The following DNAH9 variants were observed in gnomAD, a reference collection of about 807,000 sequenced individuals.
DNAH9 encodes the protein dynein axonemal heavy chain 9, also known as DNAH9 variant protein.
In DNAH9, 345 loss-of-function variants were observed where a neutral mutation model predicts 471.6. The ratio of observed to expected loss-of-function variants is 0.73; its 90% confidence interval spans 0.67 to 0.80. The LOEUF (loss-of-function observed/expected upper bound fraction) is 0.80, where lower values mean the gene tolerates loss of function less well. Among genes scored for constraint, DNAH9 ranks in the 30% least tolerant of loss-of-function variants. The pLI is 0.00. For synonymous variants in DNAH9, 2,093 were observed against 2,123.6 expected, an observed-to-expected ratio of 0.99 and a Z score of 0.40; for missense variants, 5,407 against 5,609.2, an observed-to-expected ratio of 0.96 and a Z score of 1.15.
chr17:11,936,556 C>G (rs1449729872), intron 65 of DNAH9, among the ~76,000 whole-genome samples: 1 of 152,078 alleles, frequency 6.6e-6, no homozygotes, highest in Non-Finnish European at 1.5e-5. Flanking sequence ...AGCACTTGAG[C>G]CTGGGAGGTG....
At chr17:11,645,012 TCAGCAGAAAGCAA>T (rs2073354392) in intron 11 of DNAH9, among the ~76,000 whole-genome samples, 1 of 152,220 alleles carries the variant, frequency 6.6e-6, no homozygotes, top group Admixed American at 6.5e-5. Flanking sequence ...AGCTGCTTAC[TCAGCAGAAAGCAA>T]CAGTGCATGC....
chr17:11,652,762 C>T lies in DNAH9; in HGVS notation c.2355C>T (p.Gly785=), dbSNP rs777842005. The change falls in exon 14 of 69, where the codon GGC becomes GGT. Residue 785 remains glycine (G), a splice_region_variant and synonymous_variant. Transcript: ENST00000262442. The part of the protein sequence containing the change: ...AEETLNWKTE[G]ICDYVTEITS... ...AATTATGTTTCTTTTGGGGAACAGG[C>T]ATTTGCGATTATGTCACTGAAATCA... 1.2e-6 allele frequency: 2 copies of T among 1,612,680 alleles called. No homozygotes were observed. The highest frequency in any genetic ancestry group is 1.7e-6 in the Non-Finnish European group (2 of 1,179,370).
chr17:11,753,623 G>A (rs778737745), intron 33 of DNAH9, among the ~76,000 whole-genome samples: 5 of 152,150 alleles, frequency 3.3e-5, no homozygotes, highest in Non-Finnish European at 7.3e-5. Flanking sequence ...CCGAGATCGC[G>A]CCATTGCACT....
intron 67 of DNAH9, among the ~76,000 whole-genome samples, chr17:11,949,480 A>AT (rs1975277540): frequency 7.2e-6 from 1 of 138,352 alleles, no homozygotes; most frequent in Admixed American, 7.2e-5. Context: ...ATAGCTTGAG[A>AT]CTTTTTTTTT....
chr17:11,603,041 G>A (rs774317605), intron 1 of DNAH9, among the ~76,000 whole-genome samples: 1 of 152,150 alleles, frequency 6.6e-6, no homozygotes, highest in East Asian at 1.9e-4. Context: ...AGCTCCTGAT[G>A]TACTGGCCTC....
chr17:11,896,669 T>A (rs759211852), intron 59 of DNAH9, among the ~76,000 whole-genome samples: 1 of 152,162 alleles, frequency 6.6e-6, no homozygotes, highest in African/African-American at 2.4e-5. Flanking sequence ...AAACCATCCA[T>A]TTTCCTGGGC....
intron 50 of DNAH9, among the ~76,000 whole-genome samples, chr17:11,856,837 C>T (rs777547421): frequency 2.6e-5 from 4 of 152,248 alleles, no homozygotes; most frequent in Admixed American, 6.5e-5. Context: ...CTTCAAAGAA[C>T]ATCACATGCA....
At position 11,636,745 on chromosome 17, in the gene DNAH9, A is replaced by G. The variant is rs534432763; in HGVS notation, c.1747A>G (p.Met583Val). The G allele has an allele frequency of 6.5e-4, 1,052 of 1,614,144 alleles. 15 individuals carry two copies. The South Asian group carries it at 0.011, about 17-fold the overall frequency. ...MFNKDLDAVR[M>V]IYSQHVQEEA... ...CAACAAAGATCTGGATGCAGTGAGG[A>G]TGATCTACAGTCAGCACGTCCAGGA... The change falls in exon 9 of 69, where the codon ATG becomes GTG. Residue 583 changes from methionine to valine, a missense_variant. Physicochemically the swap from Met to Val is conservative, Grantham distance 21. Transcript: ENST00000262442.
In DNAH9 at chr17:11,783,615, A is replaced by G. The variant is rs1968748135; in HGVS notation, c.7719-31A>G. ...CACTCACCTGCCTCAGTCCTCAGAC[A>G]CCTTTCACCTAGAGCTTCTGACTGT... is the stretch of plus-strand genomic sequence containing the variant. On this transcript the variant is annotated intron_variant, in intron 39 of 68. Transcript: ENST00000262442. The G allele has an allele frequency of 3.2e-6, 5 of 1,573,606 alleles. No homozygotes were observed. The Admixed American group carries it at 5.0e-5, about 16-fold the overall frequency.
rs757009043 is a variant in DNAH9, at chr17:11,763,423, C to A, written c.6996-17C>A. The A allele has an allele frequency of 1.9e-6, 3 of 1,610,904 alleles. No homozygotes were observed. Among genetic ancestry groups the A allele is most frequent in the Non-Finnish European group, 1.7e-6 (2 of 1,177,852 alleles). On this transcript the variant is annotated splice_polypyrimidine_tract_variant and intron_variant, in intron 35 of 68. Coordinates refer to ENST00000262442, the MANE Select transcript of DNAH9 (RefSeq NM_001372.4). ...ATATCCTCTGTGTTTCAGATCCCCTCGGGTCTCTCTTTGCAGGTTTAAGAA... is the reference window on the plus strand; with the variant it reads ...ATATCCTCTGTGTTTCAGATCCCCTAGGGTCTCTCTTTGCAGGTTTAAGAA...
chr17:11,640,427 T>A (rs1407063611), intron 10 of DNAH9, 43 bp downstream of exon 10: 1 of 1,278,174 alleles, frequency 7.8e-7, no homozygotes, highest in Non-Finnish European at 1.1e-6. Context: ...CTTGGGCTGC[T>A]GTTCCTGCTC....
At chr17:11,716,761 A>G (rs1191077252) in intron 26 of DNAH9, among the ~76,000 whole-genome samples, 2 of 152,180 alleles carry the variant, frequency 1.3e-5, no homozygotes, top group African/African-American at 4.8e-5. Flanking sequence ...ATGCACCCTC[A>G]GCCGGCAGAG....
chr17:11,598,678 G>A lies in DNAH9; in HGVS notation c.180G>A (p.Leu60=), dbSNP rs76135167. 2.3e-3 allele frequency: 3,102 copies of A among 1,365,964 alleles called. 87 individuals carry two copies. The African/African-American group carries it at 0.043, about 19-fold the overall frequency. The allele number at this position is 1,365,964 out of a possible 1,614,324, so 84.6% of individuals were successfully genotyped here. A position where few individuals can be genotyped will look rare whatever the true frequency, so the allele number is the denominator to read the frequency against. Residue 60 remains leucine (L), a synonymous_variant, in exon 1 of 69, where the codon CTG becomes CTA. Coordinates refer to ENST00000262442, the MANE Select transcript of DNAH9 (RefSeq NM_001372.4). ...AEAEQLLQAF[L]GRDAAEGPRP... is the part of the protein sequence containing the mutation. Reference sequence around the variant, plus strand: ...CGGAGCAGCTGCTCCAGGCCTTCCTGGGCCGCGATGCTGCCGAGGGGCCGC... The same window carrying A: ...CGGAGCAGCTGCTCCAGGCCTTCCTAGGCCGCGATGCTGCCGAGGGGCCGC...
At chr17:11,797,522 TC>T in intron 42 of DNAH9, 74 bp from the exon 43 acceptor site, 1 of 1,227,544 alleles carries the variant, frequency 8.1e-7, no homozygotes, top group African/African-American at 1.5e-5. Context: ...GCAGAGCAAA[TC>T]AGGTGTCTCT....
intron 32 of DNAH9, among the ~76,000 whole-genome samples, 150 bp from the exon 33 acceptor site, chr17:11,752,678 GTAAAA>G (rs1967209828): frequency 6.6e-6 from 1 of 152,004 alleles, no homozygotes; most frequent in African/African-American, 2.4e-5. Flanking sequence ...AAAAAATAAA[GTAAAA>G]TAAAATAAAA....
chr17:11,786,018 C>A (rs563306990), intron 41 of DNAH9, among the ~76,000 whole-genome samples: 1 of 152,158 alleles, frequency 6.6e-6, no homozygotes, highest in Non-Finnish European at 1.5e-5. Flanking sequence ...TTTCACCACA[C>A]AATCTTTCTC....
At chr17:11,818,696 T>G (rs1970198311) in intron 45 of DNAH9, among the ~76,000 whole-genome samples, 1 of 152,138 alleles carries the variant, frequency 6.6e-6, no homozygotes, top group Non-Finnish European at 1.5e-5. Context: ...TTTGTTTTTC[T>G]GATACCCATT....
At chr17:11,852,721 T>C (rs1971466441) in intron 49 of DNAH9, among the ~76,000 whole-genome samples, 1 of 149,770 alleles carries the variant, frequency 6.7e-6, no homozygotes, top group African/African-American at 2.5e-5. Context: ...CAGGTAGGAA[T>C]GAAGAGTGAG....
chr17:11,793,402 A>G (rs770017429), intron 41 of DNAH9, 101 bp from the exon 42 acceptor site: 35 of 1,063,498 alleles, frequency 3.3e-5, no homozygotes, highest in Non-Finnish European at 4.7e-5. Context: ...CAAGCCCTAG[A>G]CATCATCCCA....
Sources: gnomAD v4.1 joint callset for allele counts (sites outside exome capture counted in the v4.1 genomes callset) on GRCh38, gnomAD v4.1.1 for gene constraint, MANE v1.5 for transcripts, NCBI Gene and HGNC (gene_info 2026-07-23, HGNC 2026-07-21) for gene names.